The following FMN1 variants were observed in gnomAD, a reference collection of about 807,000 sequenced individuals.
FMN1 encodes the protein formin 1, also known as formin-1.
Under a neutral mutation model 132.4 loss-of-function variants are expected in FMN1, and 110 were observed. That is an observed-to-expected ratio of 0.83 (90% CI 0.71 to 0.97). The LOEUF is 0.97. Among genes scored for constraint, FMN1 ranks in the 50% least tolerant of loss-of-function variants. The pLI is 0.00. For synonymous variants in FMN1, 722 were observed against 651.7 expected (o/e 1.11, Z -1.64); for missense variants, 1,792 against 1,705.3 (o/e 1.05, Z -0.90).
chr15:33,143,050 C>T (rs986447018), intron 4 of FMN1, among the ~76,000 whole-genome samples: 7 of 152,266 alleles, frequency 4.6e-5, no homozygotes, highest in African/African-American at 1.7e-4. Flanking sequence ...AAATGTAAAG[C>T]TGTCTGTTCT....
At chr15:33,036,722 TTTAA>T (rs1237541905) in intron 6 of FMN1, among the ~76,000 whole-genome samples, 4 of 152,234 alleles carry the variant, frequency 2.6e-5, no homozygotes, top group Non-Finnish European at 4.4e-5. Flanking sequence ...AGTATTAAAA[TTTAA>T]TTATTTAATC....
chr15:32,785,161 CGTGTGTGT>C (rs1178285469), intron 19 of FMN1, among the ~76,000 whole-genome samples: 4,320 of 51,002 alleles, frequency 0.085, 325 homozygotes, highest in Admixed American at 0.14. Flanking sequence ...TGTATACGTA[CGTGTGTGT>C]GTGTGTGTGT....
intron 2 of FMN1, among the ~76,000 whole-genome samples, chr15:33,192,351 C>G (rs1288731200): frequency 6.6e-6 from 1 of 152,136 alleles, no homozygotes; most frequent in Admixed American, 6.6e-5. Flanking sequence ...GGAGGATGAC[C>G]AGGATATGAG....
At chr15:32,913,154 C>A (rs1366654361) in intron 10 of FMN1, among the ~76,000 whole-genome samples, 1 of 152,084 alleles carries the variant, frequency 6.6e-6, no homozygotes, top group Admixed American at 6.5e-5. Flanking sequence ...CAAGACCCAA[C>A]TTCAGAAAGC....
At chr15:32,801,571 C>A (rs2057480812) in intron 18 of FMN1, among the ~76,000 whole-genome samples, 1 of 152,060 alleles carries the variant, frequency 6.6e-6, no homozygotes, top group Non-Finnish European at 1.5e-5. Flanking sequence ...TCGAGACCAT[C>A]CTGGCTAACA....
intron 19 of FMN1, among the ~76,000 whole-genome samples, chr15:32,794,307 A>G (rs1373000314): frequency 6.6e-6 from 1 of 152,064 alleles, no homozygotes; most frequent in Non-Finnish European, 1.5e-5. Context: ...CTTCTAATTC[A>G]CTCATTACTT....
intron 17 of FMN1, among the ~76,000 whole-genome samples, chr15:32,845,887 C>A (rs17228850): frequency 0.17 from 25,613 of 151,656 alleles, 2,855 homozygotes; most frequent in Admixed American, 0.27. Flanking sequence ...GGTGGTTTCC[C>A]ATGTATGTTA....
intron 9 of FMN1, among the ~76,000 whole-genome samples, chr15:32,938,155 C>T (rs994270867): frequency 6.6e-6 from 1 of 151,944 alleles, no homozygotes; most frequent in Non-Finnish European, 1.5e-5. Context: ...CTGACAACTT[C>T]CTTGTCAGTG....
chr15:32,838,918 CA>C (rs2141201827), intron 17 of FMN1, among the ~76,000 whole-genome samples: 1 of 152,258 alleles, frequency 6.6e-6, no homozygotes, highest in East Asian at 1.9e-4. Flanking sequence ...GACGATAGTC[CA>C]AAAGATGAGT....
intron 7 of FMN1, among the ~76,000 whole-genome samples, chr15:32,980,946 G>A (rs1473811206): frequency 1.3e-5 from 2 of 152,136 alleles, no homozygotes; most frequent in African/African-American, 4.8e-5. Flanking sequence ...CCCGGGAAGC[G>A]GAGGTTGCAG....
At chr15:33,066,354 C>T (rs1302201416) in intron 5 of FMN1, among the ~76,000 whole-genome samples, 1 of 152,214 alleles carries the variant, frequency 6.6e-6, no homozygotes, top group Admixed American at 6.5e-5. Context: ...TTCTGGTTAA[C>T]TCCATACTCC....
intron 16 of FMN1, among the ~76,000 whole-genome samples, chr15:32,874,336 T>C (rs1052270082): frequency 4.6e-5 from 7 of 152,132 alleles, no homozygotes; most frequent in Non-Finnish European, 1.0e-4. Context: ...TAGCTATATA[T>C]AGCGAATATC....
At chr15:32,787,082 T>C (rs919919486) in intron 19 of FMN1, among the ~76,000 whole-genome samples, 6 of 152,192 alleles carry the variant, frequency 3.9e-5, no homozygotes, top group Non-Finnish European at 7.3e-5. Flanking sequence ...ATTCCTGACA[T>C]AACTATCGCA....
At chr15:33,171,793 A>C (rs1478844126) in intron 3 of FMN1, among the ~76,000 whole-genome samples, 1 of 152,232 alleles carries the variant, frequency 6.6e-6, no homozygotes, top group African/African-American at 2.4e-5. Flanking sequence ...AAAATATGTA[A>C]AATGCTATTC....
intron 9 of FMN1, among the ~76,000 whole-genome samples, chr15:32,950,075 A>G (rs1228692459): frequency 8.5e-6 from 1 of 117,400 alleles, no homozygotes; most frequent in African/African-American, 3.2e-5. Context: ...ATATATATAT[A>G]TATATTAAAA....
chr15:32,968,568 C>G (rs751624354), intron 8 of FMN1, 146 bp downstream of exon 8: 39 of 1,256,490 alleles, frequency 3.1e-5, no homozygotes, highest in Non-Finnish European at 3.4e-5. Flanking sequence ...CCCCAAACAT[C>G]CCAACATTGT....
At chr15:33,110,400 A>G (rs2039655685) in intron 4 of FMN1, among the ~76,000 whole-genome samples, 1 of 152,132 alleles carries the variant, frequency 6.6e-6, no homozygotes, top group African/African-American at 2.4e-5. Flanking sequence ...GTACAGTAAA[A>G]AGACTGGAAA....
chr15:32,791,048 T>C (rs989092646), intron 19 of FMN1, among the ~76,000 whole-genome samples: 1 of 151,932 alleles, frequency 6.6e-6, no homozygotes, highest in East Asian at 1.9e-4. Flanking sequence ...CAGGAAATAA[T>C]GGGGGGAATG....
In FMN1 at chr15:32,902,038, A is replaced by C; in HGVS notation, c.3380T>G (p.Phe1127Cys). Reference sequence around the variant, plus strand: ...AGGAATCTGGGCTAACTCATGTAAAAATCTGTAAAAAAGAAAATGTGTCAT... The same window carrying C: ...AGGAATCTGGGCTAACTCATGTAAACATCTGTAAAAAAGAAAATGTGTCAT... ...ELKLLDKPEQ[F>C]LHELAQIPNF... The change falls in exon 13 of 21, where the codon TTT becomes TGT. Residue 1127 changes from phenylalanine to cysteine, a missense_variant and splice_region_variant. This residue lies in a region of FMN1 where 1,150 missense variants were observed against 1,043.1 expected (regional missense o/e 1.10). Transcript: ENST00000616417. The C allele has an allele frequency of 6.2e-7, 1 of 1,605,522 alleles. No homozygotes were observed. The highest frequency in any genetic ancestry group is 8.5e-7 in the Non-Finnish European group (1 of 1,177,414).
Sources: gnomAD v4.1 joint callset for allele counts (sites outside exome capture counted in the v4.1 genomes callset) on GRCh38, gnomAD v4.1.1 for gene constraint, gnomAD v4.1.1 regional missense constraint, MANE v1.5 for transcripts, NCBI Gene and HGNC (gene_info 2026-07-23, HGNC 2026-07-21) for gene names.